The following WDHD1 variants were observed in gnomAD, a reference collection of about 807,000 sequenced individuals.
The protein encoded by WDHD1 is WD repeat and HMG-box DNA-binding protein 1.
A neutral mutation model predicts 135.4 loss-of-function variants in WDHD1; 111 were observed. That is an observed-to-expected ratio of 0.82 (90% CI 0.70 to 0.96). The LOEUF (loss-of-function observed/expected upper bound fraction) is 0.96. Among genes scored for constraint, WDHD1 ranks in the 40% least tolerant of loss-of-function variants. The pLI is 0.00. For missense variants in WDHD1, 1,351 were observed against 1,336.3 expected, an observed-to-expected ratio of 1.01 and a Z score of -0.17; for synonymous variants, 434 against 439.0, an observed-to-expected ratio of 0.99 and a Z score of 0.14.
chr14:54,966,546 A>T lies in WDHD1; in HGVS notation c.2239T>A (p.Tyr747Asn). Residue 747 changes from tyrosine (Y) to asparagine (N), a missense_variant, in exon 18 of 26, where the codon TAT becomes AAT. Coordinates refer to ENST00000360586, the MANE Select transcript of WDHD1 (RefSeq NM_007086.4). ...TTTTTAGTGCTCTCTTCATATTCAT[A>T]ACCATTTTTAGCTAAATAATCAAGG... ...NHLDYLAKNGYEYEESTKNQA... is the reference protein window; with the variant it reads ...NHLDYLAKNGNEYEESTKNQA... 1 of 1,608,958 alleles carries T rather than the reference A, an allele frequency of 6.2e-7. No homozygotes were observed. The highest frequency in any genetic ancestry group is 8.5e-7 in the Non-Finnish European group (1 of 1,179,030).
chr14:54,939,754 C>T lies in WDHD1; in HGVS notation c.*1736G>A, dbSNP rs183486182. ...GGGAAGTAAAAACCCTTTTGTAAAT[C>T]CTTGTTATTAGGTTGCTATGAATCT... On this transcript the variant is annotated 3_prime_UTR_variant, in exon 26 of 26. Transcript: ENST00000360586. 6.6e-6 allele frequency: 1 copy of T among 152,260 alleles called. No homozygotes were observed. Among genetic ancestry groups the T allele is most frequent in the Admixed American group, 6.5e-5 (1 of 15,286 alleles). 9.4% of individuals were successfully genotyped at this position (152,260 alleles called of 1,614,324 possible).
chr14:55,014,459 C>A (rs1232344599), intron 2 of WDHD1, among the ~76,000 whole-genome samples: 1 of 152,110 alleles, frequency 6.6e-6, no homozygotes, highest in East Asian at 1.9e-4. Context: ...AAAATAGGGA[C>A]CGTATCTTCC....
chr14:55,017,563 G>C (rs1335680613), intron 2 of WDHD1, among the ~76,000 whole-genome samples: 1 of 152,050 alleles, frequency 6.6e-6, no homozygotes, highest in Non-Finnish European at 1.5e-5. Context: ...GCCTGGTCTC[G>C]AACTCTTGAC....
intron 8 of WDHD1, 52 bp downstream of exon 8, chr14:55,002,041 C>T (rs943753968): frequency 4.8e-5 from 61 of 1,273,390 alleles, no homozygotes; most frequent in South Asian, 7.7e-5. Context: ...AGGCAAACTA[C>T]GCATTAACTG....
At chr14:54,979,165 T>C (rs1047657315) in intron 16 of WDHD1, among the ~76,000 whole-genome samples, 1 of 151,104 alleles carries the variant, frequency 6.6e-6, no homozygotes, top group Non-Finnish European at 1.5e-5. Flanking sequence ...ACCAAAGTTC[T>C]TTTTTTTTGA....
rs372986548 is a variant in WDHD1, at chr14:55,000,484, G to A, written c.942+19C>T. The A allele has an allele frequency of 6.3e-6, 10 of 1,579,570 alleles. No homozygotes were observed. Among genetic ancestry groups the A allele is most frequent in the Non-Finnish European group, 8.6e-6 (10 of 1,164,262 alleles). On this transcript the variant is annotated intron_variant, in intron 10 of 25. Coordinates refer to ENST00000360586, the MANE Select transcript of WDHD1 (RefSeq NM_007086.4). ...ACAGAAACATTTTGAAGAAACTGTT[G>A]TACCATACTCCCTTTTACCTTACTG...
chr14:54,952,502 C>CA (rs1234181334), intron 24 of WDHD1, among the ~76,000 whole-genome samples: 14 of 152,220 alleles, frequency 9.2e-5, no homozygotes, highest in African/African-American at 3.4e-4. Flanking sequence ...AGGACACAAA[C>CA]AAACGGAAGA....
At chr14:54,978,358 G>A (rs938600050) in intron 16 of WDHD1, among the ~76,000 whole-genome samples, 3 of 152,198 alleles carry the variant, frequency 2.0e-5, no homozygotes, top group Admixed American at 2.0e-4. Context: ...TGATGCAAGA[G>A]GATCAGTTGA....
intron 21 of WDHD1, among the ~76,000 whole-genome samples, chr14:54,961,652 C>G (rs1229196728): frequency 6.6e-6 from 1 of 151,908 alleles, no homozygotes; most frequent in Non-Finnish European, 1.5e-5. Flanking sequence ...ATGTGTCATA[C>G]GCTCTTTTCA....
Position 54,987,263 on chromosome 14 carries a change from C to T in WDHD1, c.1651G>A (p.Ala551Thr). Residue 551 changes from alanine to threonine, a missense_variant, in exon 14 of 26, where the codon GCC becomes ACC. By Grantham distance (58) the Ala-to-Thr change is moderately conservative (BLOSUM62 0). Around this residue, in one of 2 missense-constraint regions of WDHD1, gnomAD observed 1,330 missense variants for 1,296.1 expected, o/e 1.03. Coordinates refer to ENST00000360586, the MANE Select transcript of WDHD1 (RefSeq NM_007086.4). ...ATAGTAAACAATCGAAGAAGCAGGG[C>T]ACTAGTAGCGGCAGCAGCCCATCCT... is the stretch of plus-strand genomic sequence containing the variant. The part of the protein sequence containing the change: ...GQGWAAAATS[A>T]LLLRLFTIGG... 6.2e-7 allele frequency: 1 copy of T among 1,614,060 alleles called. No individual in the cohort carries two copies. The highest frequency in any genetic ancestry group is 1.1e-5 in the South Asian group (1 of 91,080).
In WDHD1 at chr14:54,941,071, G is replaced by A. The variant is rs896930335; in HGVS notation, c.*419C>T. ...CCTAGGTCTAGTAGAAACATATAGA[G>A]AAGTCTATGCTAACACACTTGGAAA... is the stretch of plus-strand genomic sequence containing the variant. On this transcript the variant is annotated 3_prime_UTR_variant, in exon 26 of 26. Transcript: ENST00000360586. 1 of 153,764 alleles carries A rather than the reference G, an allele frequency of 6.5e-6. No individual in the cohort carries two copies. The highest frequency in any genetic ancestry group is 1.4e-5 in the Non-Finnish European group (1 of 69,222). 9.5% of individuals were successfully genotyped at this position (153,764 alleles called of 1,614,324 possible). A position where few individuals can be genotyped will look rare whatever the true frequency, so the allele number is the denominator to read the frequency against.
At chr14:54,942,686 G>A (rs1429379824) in intron 25 of WDHD1, among the ~76,000 whole-genome samples, 1 of 152,090 alleles carries the variant, frequency 6.6e-6, no homozygotes, top group Non-Finnish European at 1.5e-5. Context: ...GCCAGACAAG[G>A]TCCATTCATT....
chr14:54,997,667 C>T (rs1033707190), intron 10 of WDHD1, among the ~76,000 whole-genome samples: 11 of 151,534 alleles, frequency 7.3e-5, no homozygotes, highest in Non-Finnish European at 1.6e-4. Context: ...AATCCCAGCA[C>T]TTTGGGAGGC....
At position 55,000,970 on chromosome 14, in the gene WDHD1, G is replaced by C; in HGVS notation, c.716C>G (p.Ser239Cys). The C allele has an allele frequency of 6.3e-7, 1 of 1,583,646 alleles. No individual in the cohort carries two copies. Among genetic ancestry groups the C allele is most frequent in the Non-Finnish European group, 8.6e-7 (1 of 1,166,572 alleles). The change falls in exon 9 of 26, where the codon TCT (serine) becomes TGT (cysteine). Residue 239 changes from serine (S) to cysteine (C), a missense_variant. Physicochemically the swap from Ser to Cys is moderately radical, Grantham distance 112. Coordinates refer to ENST00000360586, the MANE Select transcript of WDHD1 (RefSeq NM_007086.4). Reference protein sequence around the residue: ...ISQTLNIVTWSPCGQYLAAGS... With the variant: ...ISQTLNIVTWCPCGQYLAAGS... ...TGCAGCTAAATATTGCCCACAGGGA[G>C]ACCAGGTTACTATATTGAGGGTCTG...
intron 23 of WDHD1, 63 bp from the exon 24 acceptor site, chr14:54,955,757 C>G (rs750464027): frequency 7.7e-7 from 1 of 1,291,664 alleles, no homozygotes; most frequent in Non-Finnish European, 1.0e-6. Context: ...TTTATAAGCA[C>G]GTTCTGAAAA....
rs2041175194 is a variant in WDHD1, at chr14:54,957,212, G to A, written c.2746-8C>T. On this transcript the variant is annotated splice_polypyrimidine_tract_variant and splice_region_variant and intron_variant, in intron 22 of 25. Coordinates refer to ENST00000360586, the MANE Select transcript of WDHD1 (RefSeq NM_007086.4). ...TTTGGAACTGGCTGATACCTAAAGAGCAAACTAGTGTTAGCACTGTATGTT... is the reference window on the plus strand; with the variant it reads ...TTTGGAACTGGCTGATACCTAAAGAACAAACTAGTGTTAGCACTGTATGTT... 1 of 1,611,998 alleles carries A rather than the reference G, an allele frequency of 6.2e-7. No homozygotes were observed. Among genetic ancestry groups the A allele is most frequent in the Non-Finnish European group, 8.5e-7 (1 of 1,178,880 alleles).
intron 12 of WDHD1, 22 bp from the exon 13 acceptor site, chr14:54,989,234 T>C (rs751385409): frequency 1.3e-6 from 2 of 1,580,434 alleles, no homozygotes; most frequent in Non-Finnish European, 8.6e-7. Flanking sequence ...TAAGATTAAA[T>C]ATAAGTCTGA....
Position 54,979,164 on chromosome 14 carries a change from C to CT in WDHD1, c.2063+2375dup, listed in dbSNP as rs201586593. On this transcript the variant is annotated intron_variant, in intron 16 of 25. Coordinates refer to ENST00000360586, the MANE Select transcript of WDHD1 (RefSeq NM_007086.4). ...CTTTGCTCCTCTTCACACCAAAGTT[C>CT]TTTTTTTTTGAGATAGGTTCTCTGT... 2.3e-4 allele frequency among the ~76,000 whole-genome samples: 35 copies of CT among 151,072 alleles called. 1 individual carries two copies. In the South Asian group the frequency reaches 3.4e-3, roughly 14 times the overall value.
At chr14:54,961,438 C>G (rs977967089) in intron 21 of WDHD1, among the ~76,000 whole-genome samples, 3 of 152,304 alleles carry the variant, frequency 2.0e-5, no homozygotes, top group Middle Eastern at 6.8e-3. Context: ...TTTCTCTTTG[C>G]TCTCTGAGCT....
Sources: gnomAD v4.1 joint callset for allele counts (sites outside exome capture counted in the v4.1 genomes callset) on GRCh38, gnomAD v4.1.1 for gene constraint, gnomAD v4.1.1 regional missense constraint, MANE v1.5 for transcripts, NCBI Gene and HGNC (gene_info 2026-07-23, HGNC 2026-07-21) for gene names.